Variants in FRY observed in about 807,000 individuals in gnomAD.
The protein encoded by FRY is FRY microtubule binding protein.
A neutral mutation model predicts 348.4 loss-of-function variants in FRY; 128 were observed. The observed-to-expected ratio is 0.37, with a 90% CI of 0.32 to 0.43. FRY has a LOEUF of 0.43. FRY is among the 20% of genes least tolerant of loss of function. The pLI, the probability that FRY is intolerant of heterozygous loss-of-function variation, is 1.00. For missense variants in FRY, 2,736 were observed against 3,695.2 expected (o/e 0.74, Z 6.73); for synonymous variants, 1,370 against 1,374.7 (o/e 1.00, Z 0.08).
chr13:32,273,909 A>G (rs1297649544), intron 55 of FRY, among the ~76,000 whole-genome samples: 1 of 152,196 alleles, frequency 6.6e-6, no homozygotes, highest in African/African-American at 2.4e-5. Context: ...AAATCCAAAA[A>G]TCCAAAATGC....
intron 58 of FRY, among the ~76,000 whole-genome samples, chr13:32,286,746 TCAAAAAAAAAAAAAAAA>T (rs1889079848): frequency 5.3e-5 from 2 of 37,750 alleles, no homozygotes; most frequent in African/African-American, 3.0e-4. Context: ...AGACTCTGTC[TCAAAAAAAAAAAAAAAA>T]AAAAAAAAAA....
At chr13:32,209,831 A>G in intron 33 of FRY, 100 bp downstream of exon 33, 2 of 1,196,828 alleles carry the variant, frequency 1.7e-6, no homozygotes, top group Non-Finnish European at 2.5e-6. Flanking sequence ...TAAAATAGAA[A>G]TGTCCAGTTA....
At chr13:32,158,432 T>C (rs1357071713) in intron 16 of FRY, among the ~76,000 whole-genome samples, 6 of 152,242 alleles carry the variant, frequency 3.9e-5, no homozygotes, top group African/African-American at 1.4e-4. Context: ...TATGAGATGA[T>C]GTTGCTTTAG....
chr13:32,071,047 C>T (rs1439672896), intron 1 of FRY, among the ~76,000 whole-genome samples: 1 of 152,074 alleles, frequency 6.6e-6, no homozygotes, highest in Admixed American at 6.5e-5. Flanking sequence ...TTTCTGAGGC[C>T]TCTGTTCTGT....
chr13:32,237,444 T>C lies in FRY; in HGVS notation c.5876T>C (p.Leu1959Pro). Residue 1959 changes from leucine to proline, a missense_variant, in exon 44 of 61, where the codon CTA (leucine) becomes CCA (proline). Coordinates refer to ENST00000542859, the MANE Select transcript of FRY (RefSeq NM_023037.3). This position sits in a 1 kb window ranked among gnomAD's most constrained non-coding sequence, Gnocchi z 6.3. ...LTASRKSTGQ[L>P]NMNPGTTSGN... ...GCAAGCAGAAAGAGCACAGGACAACTAAACATGAACCCGGGAACCACCAGC... is the reference window on the plus strand; with the variant it reads ...GCAAGCAGAAAGAGCACAGGACAACCAAACATGAACCCGGGAACCACCAGC... 1 of 1,613,962 alleles carries C rather than the reference T, an allele frequency of 6.2e-7. No individual in the cohort carries two copies.
At chr13:32,191,028 T>A (rs191907623) in intron 28 of FRY, among the ~76,000 whole-genome samples, 1 of 152,302 alleles carries the variant, frequency 6.6e-6, no homozygotes, top group East Asian at 1.9e-4. Flanking sequence ...ATACATGGTT[T>A]ATTTCAAAGA....
chr13:32,242,471 C>G (rs944509547), intron 46 of FRY, among the ~76,000 whole-genome samples: 4 of 151,930 alleles, frequency 2.6e-5, no homozygotes, highest in Non-Finnish European at 4.4e-5. Context: ...TATTTTCTTT[C>G]TAGTAAAGAT....
At chr13:32,122,018 C>A (rs1204323222) in intron 4 of FRY, among the ~76,000 whole-genome samples, 7 of 152,126 alleles carry the variant, frequency 4.6e-5, no homozygotes, top group African/African-American at 1.4e-4. Context: ...TATCCCAGCA[C>A]CATTTGTTGA....
rs35585320 is a variant in FRY at position 32,158,951 on chromosome 13, C to CAAAA, written c.1784+1568_1784+1571dup. On this transcript the variant is annotated intron_variant, in intron 16 of 60. Coordinates refer to ENST00000542859, the MANE Select transcript of FRY (RefSeq NM_023037.3). ...AAAGAAATGCATATAGCTGTTTCCT[C>CAAAA]AAAAAAAAAAAAAAAAAAAAAAAAA... Among the ~76,000 whole-genome samples, 186 of 32,692 alleles carry CAAAA rather than the reference C, an allele frequency of 5.7e-3. 2 individuals are homozygous for CAAAA. Among genetic ancestry groups the CAAAA allele is most frequent in the African/African-American group, 8.3e-3 (77 of 9,320 alleles). The allele number at this position is 32,692 out of a possible 152,430, so 21.4% of individuals were successfully genotyped here.
intron 2 of FRY, among the ~76,000 whole-genome samples, chr13:32,093,449 C>T (rs1043832437): frequency 2.0e-5 from 3 of 152,082 alleles, no homozygotes; most frequent in Admixed American, 2.0e-4. Context: ...TCTTTCTTTC[C>T]CGCTCTTTCC....
chr13:32,098,825 T>C (rs902331179), intron 2 of FRY, among the ~76,000 whole-genome samples: 29 of 152,058 alleles, frequency 1.9e-4, no homozygotes, highest in African/African-American at 6.8e-4. Flanking sequence ...TATATCTAGA[T>C]AGTATACTCT....
intron 28 of FRY, 145 bp downstream of exon 28, chr13:32,187,801 T>A (rs1335424597): frequency 1.1e-5 from 7 of 659,250 alleles, no homozygotes; most frequent in African/African-American, 1.8e-5. Flanking sequence ...TGCTTTACGC[T>A]ATGATACATC....
chr13:32,179,578 C>A, intron 22 of FRY, 97 bp from the exon 23 acceptor site: 1 of 1,141,188 alleles, frequency 8.8e-7, no homozygotes, highest in Non-Finnish European at 1.3e-6. Flanking sequence ...GGATATGGTT[C>A]AGTACTTTGA....
At chr13:32,099,319 G>T (rs556025455) in intron 2 of FRY, among the ~76,000 whole-genome samples, 6 of 150,778 alleles carry the variant, frequency 4.0e-5, no homozygotes, top group Non-Finnish European at 5.9e-5. Context: ...AAAATACAGA[G>T]ATATATATAT....
rs1303424176 is a variant in FRY, at chr13:32,268,494, AAAAAAAAAAAAATATATATAT to A, written c.8136+1137_8136+1157del. ...TAAAGAGAAAGCTAGTTTAAAAAAA[AAAAAAAAAAAAATATATATAT>A]ATATATATATATATATATATATATC... is the stretch of plus-strand genomic sequence containing the variant. On this transcript the variant is annotated intron_variant, in intron 55 of 60. Transcript: ENST00000542859. Among the ~76,000 whole-genome samples the A allele has an allele frequency of 7.4e-4, 14 of 19,012 alleles. 1 individual carries two copies. The highest frequency in any genetic ancestry group is 1.3e-3 in the African/African-American group (10 of 7,788). 12.5% of individuals were successfully genotyped at this position (19,012 alleles called of 152,430 possible). A position where few individuals can be genotyped will look rare whatever the true frequency, so the allele number is the denominator to read the frequency against.
intron 33 of FRY, 148 bp downstream of exon 33, chr13:32,209,879 A>G (rs1274167367): frequency 1.2e-5 from 10 of 822,274 alleles, no homozygotes; most frequent in Non-Finnish European, 1.8e-5. Context: ...CAGATATTAC[A>G]TAAAAGTTCC....
At position 32,171,106 on chromosome 13, in the gene FRY, C is replaced by T. The variant is rs1289432392; in HGVS notation, c.1987C>T (p.Leu663=). Residue 663 remains leucine (L), a synonymous_variant, in exon 18 of 61, where the codon CTA becomes TTA. Transcript: ENST00000542859. ...CTTCTCAGATTGGAGGGAAGATGTA[C>T]TATTTGGCTTTACCAACTTCCTGCT... ...VDFSDWREDV[L]FGFTNFLLRE... 4 of 1,612,914 alleles carry T rather than the reference C, an allele frequency of 2.5e-6. No individual in the cohort carries two copies. The highest frequency in any genetic ancestry group is 2.5e-6 in the Non-Finnish European group (3 of 1,178,982).
chr13:32,122,138 T>C (rs942393791), intron 4 of FRY, among the ~76,000 whole-genome samples: 3 of 152,020 alleles, frequency 2.0e-5, no homozygotes, highest in Admixed American at 6.6e-5. Flanking sequence ...TTCATCCCAA[T>C]AGATGCAGAA....
chr13:32,072,032 C>T (rs532632777), intron 1 of FRY, among the ~76,000 whole-genome samples: 5 of 152,302 alleles, frequency 3.3e-5, no homozygotes, highest in Admixed American at 2.6e-4. Context: ...AGCCCCTTAA[C>T]CTCTCTGAAT....
Sources: gnomAD v4.1 joint callset for allele counts (sites outside exome capture counted in the v4.1 genomes callset) on GRCh38, gnomAD v4.1.1 for gene constraint, Gnocchi (gnomAD v3.1) non-coding constraint, MANE v1.5 for transcripts, NCBI Gene and HGNC (gene_info 2026-07-23, HGNC 2026-07-21) for gene names.